ATP8B3: variants seen among roughly 807,000 people sequenced by gnomAD.
ATP8B3 encodes the protein phospholipid-transporting ATPase IK.
A neutral mutation model predicts 140.9 loss-of-function variants in ATP8B3; 141 were observed. The observed-to-expected ratio is 1.00, with a 90% CI of 0.87 to 1.15. The LOEUF is 1.15. ATP8B3 is among the 50% of genes most tolerant of loss of function. The probability of loss-of-function intolerance (pLI) is 0.00; values close to 1 mark genes in which losing one functional copy is unlikely to be tolerated. For missense variants in ATP8B3, 1,874 were observed against 1,740.6 expected (o/e 1.08, Z -1.36); for synonymous variants, 765 against 714.6 (o/e 1.07, Z -1.13).
rs2068985371 is a variant in ATP8B3 at position 1,805,566 on chromosome 19, C to T, written c.822-110G>A. ...CATTTTCACTGAGCACCTACTAGTT[C>T]GCCAGCTGCCAGTCAGATGGCTGAG... On this transcript the variant is annotated intron_variant, in intron 9 of 28. Coordinates refer to ENST00000310127, the MANE Select transcript of ATP8B3 (RefSeq NM_138813.4). This position sits in a 1 kb window ranked among gnomAD's most constrained non-coding sequence, Gnocchi z 5.2. 8.2e-6 allele frequency: 8 copies of T among 970,990 alleles called. No individual in the cohort carries two copies. Among genetic ancestry groups the T allele is most frequent in the South Asian group, 7.2e-5 (5 of 69,892 alleles). 60.1% of individuals were successfully genotyped at this position (970,990 alleles called of 1,614,324 possible).
chr19:1,790,016 A>T, intron 21 of ATP8B3, 27 bp from the exon 22 acceptor site: 227 of 994,622 alleles, frequency 2.3e-4, no homozygotes, highest in Non-Finnish European at 3.4e-4. Flanking sequence ...TCAGCGGGGC[A>T]GGGGAGGGGG....
intron 18 of ATP8B3, among the ~76,000 whole-genome samples, chr19:1,793,049 G>A (rs1164298618): frequency 6.6e-6 from 1 of 151,440 alleles, no homozygotes; most frequent in Non-Finnish European, 1.5e-5. Context: ...TTCCCTGCCA[G>A]GAACACCTTC....
chr19:1,782,117 A>G lies in ATP8B3; in HGVS notation c.*911T>C. 1 of 186,958 alleles carries G rather than the reference A, an allele frequency of 5.3e-6. No individual in the cohort carries two copies. The highest frequency in any genetic ancestry group is 1.1e-5 in the Non-Finnish European group (1 of 90,698). 11.6% of individuals were successfully genotyped at this position (186,958 alleles called of 1,614,324 possible). On this transcript the variant is annotated 3_prime_UTR_variant, in exon 29 of 29. Coordinates refer to ENST00000310127, the MANE Select transcript of ATP8B3 (RefSeq NM_138813.4). ...TGGACCCTGGTTTATTAGAAAAAGA[A>G]AAGCATGTGGAGTCCTTGTCTTTAG...
At position 1,801,937 on chromosome 19, in the gene ATP8B3, G is replaced by T. The variant is rs751899245; in HGVS notation, c.1152+19C>A. 181 of 1,586,644 alleles carry T rather than the reference G, an allele frequency of 1.1e-4. No individual in the cohort carries two copies. Among genetic ancestry groups the T allele is most frequent in the Non-Finnish European group, 1.5e-4 (176 of 1,156,376 alleles). On this transcript the variant is annotated intron_variant, in intron 12 of 28. Coordinates refer to ENST00000310127, the MANE Select transcript of ATP8B3 (RefSeq NM_138813.4). ...ACTCCTCTGTGTTCCTGGGGCAGGG[G>T]CACTTGTTGGCAGCTCACCACAACC...
chr19:1,787,538 G>T (rs1333129971), intron 24 of ATP8B3, among the ~76,000 whole-genome samples: 1 of 152,048 alleles, frequency 6.6e-6, no homozygotes, highest in African/African-American at 2.4e-5. Flanking sequence ...ATACTAGCCT[G>T]GCCAACACGG....
At position 1,811,512 on chromosome 19, in the gene ATP8B3, C is replaced by T; in HGVS notation, c.225G>A (p.Arg75=). The T allele has an allele frequency of 6.2e-7, 1 of 1,612,080 alleles. No individual in the cohort carries two copies. Among genetic ancestry groups the T allele is most frequent in the Non-Finnish European group, 8.5e-7 (1 of 1,179,692 alleles). ...RRHKAQPGRA[R]KYEWRPEGPT... ...ACCCTTCTGGTCTCCATTCATACTT[C>T]CTAGCCCGGCCAGGCTGGGCCTTGT... The change falls in exon 2 of 29, where the codon AGG becomes AGA. Residue 75 remains arginine (R), a synonymous_variant. Transcript: ENST00000310127.
At chr19:1,810,985 A>AGCCATGCCAGCCTCTG (rs555776730) in intron 2 of ATP8B3, among the ~76,000 whole-genome samples, 90 of 152,256 alleles carry the variant, frequency 5.9e-4, no homozygotes, top group Middle Eastern at 3.4e-3. Context: ...CTCTACCGCC[A>AGCCATGCCAGCCTCTG]GCCATGCCAG....
In ATP8B3 at chr19:1,789,652, C is replaced by G; in HGVS notation, c.2554G>C (p.Glu852Gln). ...QNVNMDEAWQELGQSRRDFLY... is the reference protein window; with the variant it reads ...QNVNMDEAWQQLGQSRRDFLY... ...AAATCCCTCCTGGACTGGCCGAGCTCCTGCCACGCCTCGTCCATGTTCACG... is the reference window on the plus strand; with the variant it reads ...AAATCCCTCCTGGACTGGCCGAGCTGCTGCCACGCCTCGTCCATGTTCACG... Residue 852 changes from glutamate (E) to glutamine (Q), a missense_variant, in exon 23 of 29, where the codon GAG becomes CAG. Coordinates refer to ENST00000310127, the MANE Select transcript of ATP8B3 (RefSeq NM_138813.4). The G allele has an allele frequency of 6.2e-7, 1 of 1,600,046 alleles. No individual in the cohort carries two copies. Among genetic ancestry groups the G allele is most frequent in the South Asian group, 1.1e-5 (1 of 89,544 alleles).
chr19:1,792,094 G>T lies in ATP8B3; in HGVS notation c.2097C>A (p.Tyr699Ter). 1 of 1,573,664 alleles carries T rather than the reference G, an allele frequency of 6.4e-7. No homozygotes were observed. ...CGTAAATGTCCTCAGCCACCTCCCT[G>T]TAGGCCAGGCACAGTGTCCGCAGGG... ...QETLRTLCLA[Y>*]REVAEDIYED... is the part of the protein sequence containing the mutation. The change falls in exon 19 of 29, where the codon TAC becomes TAA. Residue 699 changes from tyrosine (Y) to a stop codon, truncating the protein, a stop_gained. Transcript: ENST00000310127. LOFTEE classifies it high-confidence loss of function.
Position 1,799,713 on chromosome 19 carries a change from A to T in ATP8B3, c.1552+234T>A, listed in dbSNP as rs189285243. 7.7e-4 allele frequency: 458 copies of T among 591,612 alleles called. 1 individual carries two copies. The East Asian group carries it at 0.011, about 15-fold the overall frequency. 36.6% of individuals were successfully genotyped at this position (591,612 alleles called of 1,614,324 possible). On this transcript the variant is annotated intron_variant, in intron 14 of 28. Coordinates refer to ENST00000310127, the MANE Select transcript of ATP8B3 (RefSeq NM_138813.4). ...TGGGAGGTGGAGATTGCAGTGAGCC[A>T]AGATTGCACCACTGCATTCCTGCCT...
intron 2 of ATP8B3, 96 bp downstream of exon 2, chr19:1,811,393 C>A: frequency 6.8e-7 from 1 of 1,479,958 alleles, no homozygotes; most frequent in Non-Finnish European, 9.0e-7. Context: ...CCCCTAGACG[C>A]CAGCAACTGG....
intron 5 of ATP8B3, among the ~76,000 whole-genome samples, chr19:1,808,021 A>C (rs1600482671): frequency 6.6e-6 from 1 of 152,178 alleles, no homozygotes; most frequent in South Asian, 2.1e-4. Context: ...TCAGACCTGG[A>C]GGGTGCATCC....
chr19:1,800,557 T>G lies in ATP8B3; in HGVS notation c.1153-108A>C. ...GGCTGGGGCTGGGCACAGTGGCTCATGCCTGTAATCTCAGCACTTCAGGAG... is the reference window on the plus strand; with the variant it reads ...GGCTGGGGCTGGGCACAGTGGCTCAGGCCTGTAATCTCAGCACTTCAGGAG... On this transcript the variant is annotated intron_variant, in intron 12 of 28. Transcript: ENST00000310127. The surrounding 1 kb of genome is among the most constrained non-coding windows in gnomAD (Gnocchi z 4.4). The G allele has an allele frequency of 2.0e-6, 2 of 1,020,176 alleles. No homozygotes were observed. The highest frequency in any genetic ancestry group is 1.5e-5 in the South Asian group (1 of 66,544). The allele number at this position is 1,020,176 out of a possible 1,614,324, so 63.2% of individuals were successfully genotyped here. A position where few individuals can be genotyped will look rare whatever the true frequency, so the allele number is the denominator to read the frequency against.
chr19:1,785,237 C>T lies in ATP8B3; in HGVS notation c.3454G>A (p.Gly1152Ser). 6.2e-7 allele frequency: 1 copy of T among 1,609,540 alleles called. No individual in the cohort carries two copies. Among genetic ancestry groups the T allele is most frequent in the Non-Finnish European group, 8.5e-7 (1 of 1,177,942 alleles). ...LCVATILLSL[G>S]FYAIMTTTTQ... The stretch of plus-strand genomic sequence containing the variant: ...GTGGTAGTCATGATGGCGTAGAAAC[C>T]AAGGCTGAGGAGGATGGTCGCCACG... Residue 1152 changes from glycine (G) to serine (S), a missense_variant, in exon 27 of 29, where the codon GGT becomes AGT. Physicochemically the swap from Gly to Ser is moderately conservative, Grantham distance 56 (BLOSUM62 0). Coordinates refer to ENST00000310127, the MANE Select transcript of ATP8B3 (RefSeq NM_138813.4).
rs199577759 is a variant in ATP8B3 at position 1,796,735 on chromosome 19, G to T, written c.1729C>A (p.Arg577=). The part of the protein sequence containing the change: ...LLAICHTVMV[R]ESPRERPDQL... ...CCTGGGCGCTCACGGGGGCTCTCCC[G>T]CACCATCACCGTGTGGCAGATGGCC... The change falls in exon 16 of 29, where the codon CGG becomes AGG. Residue 577 remains arginine, a synonymous_variant. Coordinates refer to ENST00000310127, the MANE Select transcript of ATP8B3 (RefSeq NM_138813.4). 1.2e-6 allele frequency: 2 copies of T among 1,611,496 alleles called. No homozygotes were observed. Among genetic ancestry groups the T allele is most frequent in the Non-Finnish European group, 1.7e-6 (2 of 1,179,532 alleles).
chr19:1,804,074 A>G (rs1439516580), intron 10 of ATP8B3, among the ~76,000 whole-genome samples: 1 of 152,140 alleles, frequency 6.6e-6, no homozygotes, highest in Non-Finnish European at 1.5e-5. Flanking sequence ...TCCTCAAACC[A>G]ATTAGAGTGA....
intron 3 of ATP8B3, 114 bp from the exon 4 acceptor site, chr19:1,809,848 G>A (rs547516378): frequency 3.4e-5 from 30 of 882,348 alleles, no homozygotes; most frequent in Admixed American, 1.9e-4. Context: ...GGGGAGGCCC[G>A]AGATGTCAGA....
chr19:1,800,222 C>A lies in ATP8B3; in HGVS notation c.1343+37G>T, dbSNP rs539185149. On this transcript the variant is annotated intron_variant, in intron 13 of 28. Transcript: ENST00000310127. The surrounding 1 kb of genome is among the most constrained non-coding windows in gnomAD (Gnocchi z 4.4). The stretch of plus-strand genomic sequence containing the variant: ...GTGCCATCCCCATGCCTCCCCGTTC[C>A]GCGTTTGCACCGGGGACGCAGCCGG... 6.2e-7 allele frequency: 1 copy of A among 1,602,386 alleles called. No homozygotes were observed. The highest frequency in any genetic ancestry group is 1.7e-5 in the Admixed American group (1 of 58,588).
rs1193849961 is a variant in ATP8B3, at chr19:1,809,141, T to TGAG, written c.402+501_402+502insCTC. ...GTGAGCCGAGATCTCGCCACTGCAT[T>TGAG]CCAGCCTGGGCGACAGAGCGAGACT... On this transcript the variant is annotated intron_variant, in intron 4 of 28. Coordinates refer to ENST00000310127, the MANE Select transcript of ATP8B3 (RefSeq NM_138813.4). Among the ~76,000 whole-genome samples, 61 of 151,712 alleles carry TGAG rather than the reference T, an allele frequency of 4.0e-4. 1 individual carries two copies. The highest frequency in any genetic ancestry group is 3.4e-3 in the Middle Eastern group (1 of 294).
Sources: gnomAD v4.1 joint callset for allele counts (sites outside exome capture counted in the v4.1 genomes callset) on GRCh38, gnomAD v4.1.1 for gene constraint, Gnocchi (gnomAD v3.1) non-coding constraint, MANE v1.5 for transcripts, NCBI Gene and HGNC (gene_info 2026-07-23, HGNC 2026-07-21) for gene names.